ANK2: variants seen among roughly 807,000 people sequenced by gnomAD.
ANK2 encodes the protein ankyrin 2, also known as ankyrin-2.
A neutral mutation model predicts 360.5 loss-of-function variants in ANK2; 83 were observed. The ratio of observed to expected loss-of-function variants is 0.23; its 90% CI spans 0.19 to 0.28. The LOEUF is 0.28. Among genes scored for constraint, ANK2 ranks in the 10% least tolerant of loss-of-function variants. The probability of loss-of-function intolerance (pLI) is 1.00; values close to 1 mark genes in which losing one functional copy is unlikely to be tolerated. For synonymous variants in ANK2, 1,740 were observed against 1,759.5 expected, an observed-to-expected ratio of 0.99 and a Z score of 0.28; for missense variants, 4,201 against 4,795.7, an observed-to-expected ratio of 0.88 and a Z score of 3.66.
intron 1 of ANK2, among the ~76,000 whole-genome samples, chr4:112,838,507 T>G (rs1444235233): frequency 6.6e-6 from 1 of 152,190 alleles, no homozygotes; most frequent in Non-Finnish European, 1.5e-5. Context: ...GAGTGAATGT[T>G]CCTCTCCTTC....
At chr4:112,828,455 G>C (rs2058929604) in intron 1 of ANK2, among the ~76,000 whole-genome samples, 1 of 152,096 alleles carries the variant, frequency 6.6e-6, no homozygotes, top group Admixed American at 6.6e-5. Flanking sequence ...GGCTGGTGTT[G>C]AATTCCTGAC....
intron 1 of ANK2, chr4:113,160,448 A>G (rs1300138863): frequency 3.7e-6 from 1 of 268,946 alleles, no homozygotes; most frequent in Non-Finnish European, 7.5e-6. Context: ...AAATTTTGCT[A>G]ATCAAGGTTT....
At chr4:113,038,969 C>T (rs2062243835) in intron 2 of ANK2, among the ~76,000 whole-genome samples, 1 of 151,980 alleles carries the variant, frequency 6.6e-6, no homozygotes, top group African/African-American at 2.4e-5. Context: ...TCCTTAATCC[C>T]CGACTCACAA....
chr4:112,949,556 T>A (rs1161280659), intron 2 of ANK2, among the ~76,000 whole-genome samples: 1 of 152,188 alleles, frequency 6.6e-6, no homozygotes, highest in Admixed American at 6.5e-5. Context: ...CTTTTTCAAA[T>A]GTAATCAAAC....
At chr4:112,927,655 C>T (rs1235825618) in intron 2 of ANK2, among the ~76,000 whole-genome samples, 1 of 152,166 alleles carries the variant, frequency 6.6e-6, no homozygotes, top group Non-Finnish European at 1.5e-5. Context: ...CAAGAAAAAT[C>T]AAGTATCTTG....
Position 113,049,685 on chromosome 4 carries a change from G to T in ANK2, c.-44G>T, listed in dbSNP as rs1415575446. 1.2e-6 allele frequency: 2 copies of T among 1,600,638 alleles called. No individual in the cohort carries two copies. The highest frequency in any genetic ancestry group is 3.4e-5 in the Admixed American group (2 of 59,236). ...TACCCGCTAGTGGTCTGTACAGGCG[G>T]CACGGTTTGATGGCAGAGATATTTT... On this transcript the variant is annotated 5_prime_UTR_variant, in exon 1 of 46. Coordinates refer to ENST00000357077, the MANE Select transcript of ANK2 (RefSeq NM_001148.6).
In ANK2 at chr4:113,199,092, A is replaced by G. The variant is rs1278827771; in HGVS notation, c.367A>G (p.Ile123Val). Residue 123 changes from isoleucine to valine, a missense_variant, in exon 4 of 46, where the codon ATT (isoleucine) becomes GTT (valine). Transcript: ENST00000357077. ...AGTTCTTGTTAAGGAAGGAGCCAATATTAATGCACAGTCTCAGGTATTCCA... is the reference window on the plus strand; with the variant it reads ...AGTTCTTGTTAAGGAAGGAGCCAATGTTAATGCACAGTCTCAGGTATTCCA... Reference protein sequence around the residue: ...VKVLVKEGANINAQSQNGFTP... With the variant: ...VKVLVKEGANVNAQSQNGFTP... 3 of 1,610,374 alleles carry G rather than the reference A, an allele frequency of 1.9e-6. No homozygotes were observed. In the Admixed American group the frequency reaches 5.0e-5, roughly 27 times the overall value.
intron 1 of ANK2, among the ~76,000 whole-genome samples, chr4:113,074,017 C>G (rs1361597854): frequency 6.6e-6 from 1 of 152,042 alleles, no homozygotes; most frequent in Non-Finnish European, 1.5e-5. Flanking sequence ...ATGGAAAATC[C>G]AAATCTACAG....
chr4:113,164,581 G>A (rs1562544466), intron 1 of ANK2, among the ~76,000 whole-genome samples: 1 of 152,240 alleles, frequency 6.6e-6, no homozygotes, highest in Non-Finnish European at 1.5e-5. Flanking sequence ...GGTCTCTGAA[G>A]CTGCAGAATA....
intron 1 of ANK2, among the ~76,000 whole-genome samples, chr4:113,149,901 G>C (rs201827741): frequency 1.4e-5 from 1 of 71,862 alleles, no homozygotes; most frequent in Non-Finnish European, 2.9e-5. Context: ...AAAAAAAAAA[G>C]AAAGATTGAA....
At chr4:113,162,731 GTTTTTT>G (rs11348131) in intron 1 of ANK2, among the ~76,000 whole-genome samples, 1,801 of 133,114 alleles carry the variant, frequency 0.014, 28 homozygotes, top group African/African-American at 0.047. Context: ...GTAGCTAAAG[GTTTTTT>G]TTTTTTTTTT....
chr4:112,915,569 G>A (rs2089462499), intron 2 of ANK2, among the ~76,000 whole-genome samples: 1 of 151,818 alleles, frequency 6.6e-6, no homozygotes, highest in African/African-American at 2.4e-5. Context: ...TCAGCAATGG[G>A]GTGAATCCCC....
intron 5 of ANK2, 46 bp from the exon 6 acceptor site, chr4:113,236,941 G>C (rs1434995666): frequency 1.3e-6 from 2 of 1,571,534 alleles, no homozygotes; most frequent in Admixed American, 3.3e-5. Context: ...TAAATCTCTA[G>C]CATCTGAAGA....
intron 1 of ANK2, among the ~76,000 whole-genome samples, chr4:112,822,244 A>G (rs1579030342): frequency 8.1e-6 from 1 of 123,608 alleles, no homozygotes; most frequent in East Asian, 2.1e-4. Context: ...CTACTAAAAA[A>G]AAAAAAAAAA....
chr4:113,149,797 G>T (rs2096968579), intron 1 of ANK2, among the ~76,000 whole-genome samples: 1 of 146,936 alleles, frequency 6.8e-6, no homozygotes, highest in Admixed American at 7.0e-5. Context: ...GATCACCTGA[G>T]CCTGGGGAGG....
chr4:112,732,687 G>A, the ANK2 span, among the ~76,000 whole-genome samples: 1 of 152,162 alleles, frequency 6.6e-6, no homozygotes, highest in African/African-American at 2.4e-5. Flanking sequence ...TTGAGTGTTG[G>A]GACGCACTTT....
chr4:112,910,445 AG>A (rs2086741503), intron 2 of ANK2, among the ~76,000 whole-genome samples: 1 of 152,226 alleles, frequency 6.6e-6, no homozygotes, highest in Non-Finnish European at 1.5e-5. Flanking sequence ...CTTATAAGAA[AG>A]GGGTACTGAA....
the ANK2 span, among the ~76,000 whole-genome samples, chr4:112,762,081 A>AG: frequency 1.7e-4 from 26 of 152,336 alleles, no homozygotes; most frequent in East Asian, 4.8e-3. Context: ...ATTTCAGGTA[A>AG]ATTACCAAGG....
At chr4:112,835,506 C>T (rs2060807843) in intron 1 of ANK2, among the ~76,000 whole-genome samples, 1 of 152,042 alleles carries the variant, frequency 6.6e-6, no homozygotes, top group African/African-American at 2.4e-5. Flanking sequence ...GACTTTTTCA[C>T]TCTGTGTGTA....
Sources: gnomAD v4.1 joint callset for allele counts (sites outside exome capture counted in the v4.1 genomes callset) on GRCh38, gnomAD v4.1.1 for gene constraint, MANE v1.5 for transcripts, NCBI Gene and HGNC (gene_info 2026-07-23, HGNC 2026-07-21) for gene names.